PDE4DIP: variants seen among roughly 807,000 people sequenced by gnomAD.
PDE4DIP encodes phosphodiesterase 4D interacting protein, also known as myomegalin.
Under a neutral mutation model 221.4 loss-of-function variants are expected in PDE4DIP, and 59 were observed. The ratio of observed to expected loss-of-function variants is 0.27; its 90% CI spans 0.22 to 0.33. PDE4DIP has a LOEUF of 0.33. PDE4DIP is among the 10% of genes least tolerant of loss of function. The probability of loss-of-function intolerance (pLI) is 1.00; values close to 1 mark genes in which losing one functional copy is unlikely to be tolerated. For missense variants in PDE4DIP, 1,036 were observed against 2,154.2 expected, an observed-to-expected ratio of 0.48 and a Z score of 10.28; for synonymous variants, 404 against 815.9, an observed-to-expected ratio of 0.50 and a Z score of 8.60.
intron 1 of PDE4DIP, among the ~76,000 whole-genome samples, chr1:148,821,069 T>C (rs1246436179): frequency 1.3e-4 from 20 of 149,960 alleles, no homozygotes; most frequent in African/African-American, 5.0e-4. Context: ...GCCAGGATGG[T>C]CTCGATCTCC....
intron 17 of PDE4DIP, among the ~76,000 whole-genome samples, chr1:148,975,096 G>A (rs766260963): frequency 2.8e-4 from 41 of 145,252 alleles, no homozygotes; most frequent in Middle Eastern, 3.5e-3. Context: ...ACTTGAACCC[G>A]GGAGGCAGAG....
At chr1:148,984,460 T>C (rs2061573351) in intron 21 of PDE4DIP, 1 of 152,098 alleles carries the variant, frequency 6.6e-6, no homozygotes, top group Admixed American at 6.6e-5. Flanking sequence ...TTAGTTTCCT[T>C]GAGGGTTCTT....
chr1:148,847,761 G>A (rs1451998861), intron 1 of PDE4DIP, among the ~76,000 whole-genome samples: 4 of 10,606 alleles, frequency 3.8e-4, no homozygotes, highest in African/African-American at 1.9e-3. Flanking sequence ...CCAGCTACTC[G>A]GGAGGCTGAG....
chr1:148,933,685 T>C (rs511710), intron 4 of PDE4DIP, among the ~76,000 whole-genome samples: 87 of 141,932 alleles, frequency 6.1e-4, no homozygotes, highest in Middle Eastern at 3.8e-3. Flanking sequence ...ACCAATGTGA[T>C]CTTTCCAAGA....
At chr1:148,919,820 A>G (rs1203939710) in intron 1 of PDE4DIP, among the ~76,000 whole-genome samples, 2 of 149,994 alleles carry the variant, frequency 1.3e-5, no homozygotes, top group Non-Finnish European at 3.0e-5. Flanking sequence ...CCTTTAGTTT[A>G]CAGAATTGAT....
intron 14 of PDE4DIP, among the ~76,000 whole-genome samples, chr1:148,971,160 G>T (rs1232311387): frequency 2.0e-5 from 3 of 151,848 alleles, no homozygotes; most frequent in Admixed American, 2.0e-4. Flanking sequence ...AAGCTGAGTT[G>T]GGTGATTTTG....
chr1:148,975,984 A>G (rs2060100172), intron 17 of PDE4DIP, among the ~76,000 whole-genome samples: 1 of 151,574 alleles, frequency 6.6e-6, no homozygotes, highest in Non-Finnish European at 1.5e-5. Flanking sequence ...ATTAGTTTTC[A>G]GGATATGAGA....
chr1:148,918,658 C>CGCACA (rs1573382408), intron 1 of PDE4DIP, among the ~76,000 whole-genome samples: 3 of 137,868 alleles, frequency 2.2e-5, no homozygotes, highest in Non-Finnish European at 4.7e-5. Context: ...CACACACACA[C>CGCACA]CCTAGCTGTG....
chr1:148,999,523 C>G (rs1209362672), intron 23 of PDE4DIP, among the ~76,000 whole-genome samples: 66 of 152,206 alleles, frequency 4.3e-4, no homozygotes, highest in Admixed American at 4.3e-3. Context: ...CTAAACCTTG[C>G]TTCTATACTA....
chr1:148,820,719 G>T (rs1457736450), intron 1 of PDE4DIP, among the ~76,000 whole-genome samples: 1 of 148,856 alleles, frequency 6.7e-6, no homozygotes, highest in Non-Finnish European at 1.5e-5. Context: ...TTTTTTGGGG[G>T]GGGGGTGGCT....
chr1:148,929,513 A>G, intron 2 of PDE4DIP: 1 of 450,948 alleles, frequency 2.2e-6, no homozygotes, highest in East Asian at 4.2e-5. Context: ...CAAACTTCCT[A>G]TCAGTCAGCA....
chr1:149,010,514 GC>G lies in PDE4DIP; in HGVS notation c.5000del (p.Ala1667ValfsTer103), dbSNP rs2068285644. On this transcript the variant is annotated frameshift_variant, in exon 31 of 44. Coordinates refer to ENST00000369354, the Ensembl canonical transcript of PDE4DIP. LOFTEE classifies it high-confidence loss of function. ...ATCATCAACCAGTGCATCTCAGGGGGCTAAGGCCGAATCCAACAGCAACCCC... is the reference window on the plus strand; with the variant it reads ...ATCATCAACCAGTGCATCTCAGGGGGTAAGGCCGAATCCAACAGCAACCCC... 1 of 1,612,798 alleles carries G rather than the reference GC, an allele frequency of 6.2e-7. No individual in the cohort carries two copies. Among genetic ancestry groups the G allele is most frequent in the Non-Finnish European group, 8.5e-7 (1 of 1,178,954 alleles).
At chr1:149,009,738 T>G (rs1553603209) in exon 30 of PDE4DIP, 4 of 1,613,830 alleles carry the variant, frequency 2.5e-6, no homozygotes, top group Non-Finnish European at 3.4e-6. Flanking sequence ...GACATGGACA[T>G]AGTCAGCGAG....
intron 13 of PDE4DIP, 82 bp from the exon 17 acceptor site, chr1:148,968,754 A>G (rs112611440): frequency 4.1e-6 from 3 of 732,122 alleles, no homozygotes; most frequent in Middle Eastern, 4.0e-4. Flanking sequence ...TCCTTCTTCT[A>G]TGATAGATTC....
At chr1:148,995,498 C>G (rs2063998124) in intron 22 of PDE4DIP, among the ~76,000 whole-genome samples, 1 of 152,068 alleles carries the variant, frequency 6.6e-6, no homozygotes, top group Non-Finnish European at 1.5e-5. Flanking sequence ...CAATGTCATT[C>G]AAACAGGATA....
At chr1:148,995,896 G>T (rs1298550374) in intron 22 of PDE4DIP, among the ~76,000 whole-genome samples, 1 of 144,220 alleles carries the variant, frequency 6.9e-6, no homozygotes, top group South Asian at 2.2e-4. Flanking sequence ...AATAAAAAAA[G>T]AAATAAAAAA....
At chr1:148,998,948 A>G (rs1240133492) in intron 23 of PDE4DIP, among the ~76,000 whole-genome samples, 36 of 119,544 alleles carry the variant, frequency 3.0e-4, no homozygotes, top group Admixed American at 8.0e-4. Context: ...GGGTTTCACC[A>G]TGTTAGCCAG....
chr1:148,927,612 A>C, intron 1 of PDE4DIP, among the ~76,000 whole-genome samples: 1 of 151,778 alleles, frequency 6.6e-6, no homozygotes. Flanking sequence ...AGTAAAGTAA[A>C]ATCCTCCCTA....
At chr1:149,006,572 A>G (rs1289462438) in intron 27 of PDE4DIP, 1 of 152,044 alleles carries the variant, frequency 6.6e-6, no homozygotes, top group Non-Finnish European at 1.5e-5. Context: ...TTCATTGAGT[A>G]ACTGCTGTGA....
Sources: allele counts gnomAD v4.1 joint callset (sites outside exome capture counted in the v4.1 genomes callset), GRCh38; gene constraint gnomAD v4.1.1; transcripts MANE v1.5; gene names NCBI Gene and HGNC (gene_info 2026-07-23, HGNC 2026-07-21).